The following ARHGEF9 variants were observed in gnomAD, a reference collection of about 807,000 sequenced individuals.
The protein encoded by ARHGEF9 is rho guanine nucleotide exchange factor 9.
ARHGEF9 carries 2 observed loss-of-function variants against 41.3 expected under a neutral mutation model. The observed-to-expected ratio is 0.05, with a 90% CI of 0.02 to 0.15. ARHGEF9 has a LOEUF of 0.15. Ranked by LOEUF, ARHGEF9 falls within the 10% of genes least tolerant of loss-of-function variation. The pLI, the probability that ARHGEF9 is intolerant of heterozygous loss-of-function variation, is 1.00. For synonymous variants in ARHGEF9, 160 were observed against 154.4 expected, an observed-to-expected ratio of 1.04 and a Z score of -0.27; for missense variants, 225 against 424.7, an observed-to-expected ratio of 0.53 and a Z score of 4.13.
At chrX:63,653,277 C>A (rs2048670042) in intron 8 of ARHGEF9, among the ~76,000 whole-genome samples, 1 of 111,614 alleles carries the variant, frequency 9.0e-6, no homozygotes. Context: ...CCACTTCATC[C>A]TTCTCATGAG....
chrX:63,698,608 C>T (rs1461472039), intron 3 of ARHGEF9, among the ~76,000 whole-genome samples: 2 of 111,217 alleles, frequency 1.8e-5, no homozygotes, highest in Non-Finnish European at 3.8e-5. Context: ...TCCCTATCCT[C>T]GCTTTGTCTC....
At chrX:63,762,808 C>T (rs1344831835) in intron 1 of ARHGEF9, among the ~76,000 whole-genome samples, 2 of 111,617 alleles carry the variant, frequency 1.8e-5, no homozygotes, top group African/African-American at 6.5e-5. Flanking sequence ...ACTTCGTCTG[C>T]CTCTGCTATC....
At position 63,638,147 on chromosome X, in the gene ARHGEF9, C is replaced by T. The variant is rs1371313485; in HGVS notation, c.1453G>A (p.Gly485Ser). 2.5e-6 allele frequency: 3 copies of T among 1,201,930 alleles called. No individual in the cohort carries two copies. Among genetic ancestry groups the T allele is most frequent in the Non-Finnish European group, 3.4e-6 (3 of 890,812 alleles). ...ATGCCGTCGGGGACCAGGTACTGGCCGTGGTTTAACGGGTCCTGCGGTGGT... is the reference window on the plus strand; with the variant it reads ...ATGCCGTCGGGGACCAGGTACTGGCTGTGGTTTAACGGGTCCTGCGGTGGT... ...YPPPQDPLNHGQYLVPDGIAQ... is the reference protein window; with the variant it reads ...YPPPQDPLNHSQYLVPDGIAQ... Residue 485 changes from glycine to serine, a missense_variant, in exon 10 of 10, where the codon GGC becomes AGC. Gly to Ser is a moderately conservative substitution (Grantham distance 56). Coordinates refer to ENST00000671741, the MANE Select transcript of ARHGEF9 (RefSeq NM_001353921.2).
chrX:63,738,996 G>A (rs1241894397), intron 1 of ARHGEF9, among the ~76,000 whole-genome samples: 1 of 111,809 alleles, frequency 8.9e-6, no homozygotes, highest in Non-Finnish European at 1.9e-5. Context: ...GGGTTTTAAT[G>A]TCCTCATTGA....
At chrX:63,710,523 G>A (rs1368318669) in intron 2 of ARHGEF9, among the ~76,000 whole-genome samples, 1 of 110,595 alleles carries the variant, frequency 9.0e-6, no homozygotes, top group African/African-American at 3.3e-5. Flanking sequence ...CTTCACATAT[G>A]AAAATCAGTC....
intron 1 of ARHGEF9, among the ~76,000 whole-genome samples, chrX:63,731,558 T>TG (rs2147664144): frequency 1.0e-5 from 1 of 97,910 alleles, no homozygotes; most frequent in East Asian, 3.1e-4. Context: ...CTCAGTTTTT[T>TG]TTTTTTTTTT....
chrX:63,665,779 C>A, intron 7 of ARHGEF9, 107 bp downstream of exon 7: 1 of 1,008,561 alleles, frequency 9.9e-7, no homozygotes, highest in Non-Finnish European at 1.4e-6. Context: ...CTGTTTTCCC[C>A]CCATCAGTAT....
intron 7 of ARHGEF9, among the ~76,000 whole-genome samples, chrX:63,656,218 A>AG (rs1225090606): frequency 7.2e-5 from 8 of 111,036 alleles, no homozygotes; most frequent in Middle Eastern, 4.6e-3. Context: ...AGGATTACCT[A>AG]GGGGGGGTCT....
intron 8 of ARHGEF9, among the ~76,000 whole-genome samples, chrX:63,648,792 G>T (rs2048313931): frequency 9.0e-6 from 1 of 111,156 alleles, no homozygotes; most frequent in Non-Finnish European, 1.9e-5. Flanking sequence ...AAAGGCAGGG[G>T]TTGCAATCCT....
At chrX:63,754,875 C>G in intron 1 of ARHGEF9, 3 of 938,766 alleles carry the variant, frequency 3.2e-6, no homozygotes, top group South Asian at 1.2e-4. Context: ...TCGGGCGCCA[C>G]GGGAAAGGCA....
At chrX:63,730,714 C>T (rs1287158144) in intron 1 of ARHGEF9, among the ~76,000 whole-genome samples, 1 of 111,902 alleles carries the variant, frequency 8.9e-6, no homozygotes, top group Non-Finnish European at 1.9e-5. Flanking sequence ...CTTCTGATGC[C>T]TCATTCTTCA....
At chrX:63,655,791 G>T in intron 7 of ARHGEF9, 54 bp from the exon 8 acceptor site, 1 of 1,183,438 alleles carries the variant, frequency 8.4e-7, no homozygotes, top group South Asian at 1.8e-5. Context: ...AGTACTAGAA[G>T]AGTTGGCACA....
At chrX:63,660,238 G>T (rs1376234983) in intron 7 of ARHGEF9, among the ~76,000 whole-genome samples, 3 of 111,645 alleles carry the variant, frequency 2.7e-5, no homozygotes, top group African/African-American at 9.8e-5. Context: ...CATGCCTTTT[G>T]CAACAACATG....
intron 1 of ARHGEF9, among the ~76,000 whole-genome samples, chrX:63,783,641 A>G (rs1484206486): frequency 1.8e-5 from 2 of 111,150 alleles, no homozygotes; most frequent in Admixed American, 9.5e-5. Context: ...CCCTCTCAGC[A>G]CCATTTGAGC....
intron 4 of ARHGEF9, among the ~76,000 whole-genome samples, chrX:63,691,366 C>T (rs2051335417): frequency 9.2e-6 from 1 of 108,636 alleles, no homozygotes; most frequent in South Asian, 4.0e-4. Context: ...GAAAAAGAAA[C>T]CAAAAAAGCA....
intron 4 of ARHGEF9, among the ~76,000 whole-genome samples, chrX:63,693,446 C>A (rs1288663102): frequency 1.2e-4 from 13 of 109,570 alleles, no homozygotes; most frequent in African/African-American, 4.0e-4. Context: ...CCCGTCTCTA[C>A]TAAAAAAATG....
At chrX:63,672,376 C>T (rs782768315) in intron 6 of ARHGEF9, among the ~76,000 whole-genome samples, 11 of 110,028 alleles carry the variant, frequency 1.0e-4, no homozygotes, top group South Asian at 7.9e-4. Flanking sequence ...CAAGCAGGAG[C>T]GTACAAGGGA....
At chrX:63,777,860 G>A (rs1201303517) in intron 1 of ARHGEF9, among the ~76,000 whole-genome samples, 8 of 112,825 alleles carry the variant, frequency 7.1e-5, no homozygotes, top group African/African-American at 2.6e-4. Flanking sequence ...GGGCAACTCT[G>A]CCCCTCTGGC....
At chrX:63,757,778 G>T (rs1344552046) in intron 1 of ARHGEF9, among the ~76,000 whole-genome samples, 2 of 112,112 alleles carry the variant, frequency 1.8e-5, no homozygotes, top group Non-Finnish European at 1.9e-5. Context: ...AAGCAGTTTT[G>T]CTCTTGTCAA....
Sources: allele counts gnomAD v4.1 joint callset (sites outside exome capture counted in the v4.1 genomes callset), GRCh38; gene constraint gnomAD v4.1.1; transcripts MANE v1.5; gene names NCBI Gene and HGNC (gene_info 2026-07-23, HGNC 2026-07-21).